HGSNAT: variants seen among roughly 807,000 people sequenced by gnomAD.
The protein encoded by HGSNAT is transmembrane protein 76.
HGSNAT carries 59 observed loss-of-function variants against 85.2 expected under a neutral mutation model. The observed-to-expected ratio is 0.69, with a 90% CI of 0.56 to 0.86. The LOEUF is 0.86. HGSNAT is among the 40% of genes least tolerant of loss of function. The pLI is 0.00. For synonymous variants in HGSNAT, 321 were observed against 304.5 expected, an observed-to-expected ratio of 1.05 and a Z score of -0.56; for missense variants, 756 against 777.1, an observed-to-expected ratio of 0.97 and a Z score of 0.32.
chr8:43,187,173 C>G (rs1804345702), intron 11 of HGSNAT, among the ~76,000 whole-genome samples: 1 of 152,174 alleles, frequency 6.6e-6, no homozygotes, highest in Admixed American at 6.5e-5. Context: ...TGGTGCAGAG[C>G]TGAGTTCAAT....
chr8:43,191,639 T>G (rs1431842087), intron 12 of HGSNAT, 44 bp downstream of exon 12: 1 of 1,595,380 alleles, frequency 6.3e-7, no homozygotes, highest in Non-Finnish European at 8.6e-7. Flanking sequence ...TGTCCTGTTC[T>G]GCCCAGTCAG....
chr8:43,164,811 C>T (rs1056146671), intron 5 of HGSNAT, among the ~76,000 whole-genome samples: 3 of 152,110 alleles, frequency 2.0e-5, no homozygotes, highest in African/African-American at 7.2e-5. Flanking sequence ...GAGAGACATG[C>T]AACTCTTTCT....
chr8:43,149,039 C>T (rs1464208639), intron 2 of HGSNAT, among the ~76,000 whole-genome samples: 2 of 151,520 alleles, frequency 1.3e-5, no homozygotes, highest in Non-Finnish European at 2.9e-5. Flanking sequence ...TCGTTTAACC[C>T]CGGGAGGCAG....
At chr8:43,148,329 TATTTA>T (rs959718852) in intron 2 of HGSNAT, among the ~76,000 whole-genome samples, 59 of 151,408 alleles carry the variant, frequency 3.9e-4, no homozygotes, top group Non-Finnish European at 8.0e-4. Flanking sequence ...TTTATATTTA[TATTTA>T]ATTTATATTA....
At chr8:43,148,621 C>G (rs1473475758) in intron 2 of HGSNAT, among the ~76,000 whole-genome samples, 1 of 151,208 alleles carries the variant, frequency 6.6e-6, no homozygotes, top group African/African-American at 2.4e-5. Flanking sequence ...AACCCCATCT[C>G]TATTAAAAAA....
intron 6 of HGSNAT, among the ~76,000 whole-genome samples, chr8:43,169,574 C>A (rs1803547036): frequency 6.6e-6 from 1 of 152,200 alleles, no homozygotes; most frequent in Non-Finnish European, 1.5e-5. Flanking sequence ...AATATTAAAT[C>A]TATAAATGCT....
At chr8:43,182,428 A>G (rs762105084) in intron 11 of HGSNAT, 168 bp downstream of exon 11, 2 of 686,830 alleles carry the variant, frequency 2.9e-6, no homozygotes, top group South Asian at 3.0e-5. Context: ...GTGAGCCACC[A>G]TGCCTGGCCA....
intron 15 of HGSNAT, 174 bp downstream of exon 15, chr8:43,197,199 T>A (rs1804753785): frequency 1.6e-6 from 1 of 607,898 alleles, no homozygotes; most frequent in East Asian, 2.8e-5. Flanking sequence ...ATGCACAGAT[T>A]TATTTTCTTA....
rs191796273 is a variant in HGSNAT, at chr8:43,182,329, G to A, written c.1128+69G>A. The A allele has an allele frequency of 6.9e-5, 85 of 1,226,420 alleles. No individual in the cohort carries two copies. In the African/African-American group the frequency reaches 1.0e-3, roughly 15 times the overall value. 76.0% of individuals were successfully genotyped at this position (1,226,420 alleles called of 1,614,324 possible). ...AAAAAAATGTATTGTGTGGTGATAC[G>A]GTCTCACTATGTTGTCCAGACTGGT... On this transcript the variant is annotated intron_variant, in intron 11 of 17. Transcript: ENST00000379644.
chr8:43,190,512 C>G (rs1343058876), intron 11 of HGSNAT, among the ~76,000 whole-genome samples: 1 of 152,108 alleles, frequency 6.6e-6, no homozygotes, highest in South Asian at 2.1e-4. Context: ...ACAGGCGAGA[C>G]GTGCCTGAGT....
At chr8:43,166,610 A>G (rs1803444558) in intron 5 of HGSNAT, among the ~76,000 whole-genome samples, 1 of 152,162 alleles carries the variant, frequency 6.6e-6, no homozygotes, top group Non-Finnish European at 1.5e-5. Context: ...TTTTCAAAAT[A>G]TTGTTGGTCA....
In HGSNAT at chr8:43,193,365, G is replaced by A. The variant is rs182378300; in HGVS notation, c.1378-392G>A. ...ATGTTATTTGCCTTAAAAGAAGATAGGAAGCTGTTGTTGCTACAGTAGGGT... is the reference window on the plus strand; with the variant it reads ...ATGTTATTTGCCTTAAAAGAAGATAAGAAGCTGTTGTTGCTACAGTAGGGT... On this transcript the variant is annotated intron_variant, in intron 13 of 17. Transcript: ENST00000379644. Among the ~76,000 whole-genome samples, 10 of 152,308 alleles carry A rather than the reference G, an allele frequency of 6.6e-5. 1 individual carries two copies. The East Asian group carries it at 1.9e-3, about 29-fold the overall frequency.
intron 1 of HGSNAT, among the ~76,000 whole-genome samples, 151 bp downstream of exon 1, chr8:43,140,765 C>A (rs1802494587): frequency 6.6e-6 from 1 of 151,966 alleles, no homozygotes; most frequent in African/African-American, 2.4e-5. Flanking sequence ...CTTCGCGGTC[C>A]CGCGCCCCAG....
At chr8:43,153,798 A>G (rs888178423) in intron 2 of HGSNAT, among the ~76,000 whole-genome samples, 2 of 152,082 alleles carry the variant, frequency 1.3e-5, no homozygotes, top group Non-Finnish European at 2.9e-5. Flanking sequence ...ATCATGTGGT[A>G]TTTGTCTTTC....
chr8:43,187,827 AG>A (rs1213273333), intron 11 of HGSNAT, among the ~76,000 whole-genome samples: 1 of 152,116 alleles, frequency 6.6e-6, no homozygotes, highest in South Asian at 2.1e-4. Context: ...AGCTCTTGTA[AG>A]GTAGGCCTGC....
intron 4 of HGSNAT, among the ~76,000 whole-genome samples, chr8:43,160,271 A>T (rs1487538213): frequency 2.0e-5 from 3 of 152,232 alleles, no homozygotes; most frequent in East Asian, 3.9e-4. Context: ...AATTCTGTGG[A>T]GAAGAATTCC....
chr8:43,141,402 C>T (rs925310211), intron 1 of HGSNAT, among the ~76,000 whole-genome samples: 1 of 152,118 alleles, frequency 6.6e-6, no homozygotes, highest in East Asian at 1.9e-4. Flanking sequence ...TCAGCTCATA[C>T]CGTGATTGCA....
chr8:43,182,732 C>T lies in HGSNAT; in HGVS notation c.1128+472C>T, dbSNP rs190322271. ...AATTGCTGGGATTACAGGTGTGAGCCACCATGCCCAGCCAAAACAGTGTTT... is the reference window on the plus strand; with the variant it reads ...AATTGCTGGGATTACAGGTGTGAGCTACCATGCCCAGCCAAAACAGTGTTT... On this transcript the variant is annotated intron_variant, in intron 11 of 17. Transcript: ENST00000379644. 4.7e-3 allele frequency among the ~76,000 whole-genome samples: 712 copies of T among 152,242 alleles called. 7 individuals carry two copies. Among genetic ancestry groups the T allele is most frequent in the African/African-American group, 0.016 (659 of 41,530 alleles).
intron 12 of HGSNAT, among the ~76,000 whole-genome samples, chr8:43,191,885 G>C (rs1804542624): frequency 6.6e-6 from 1 of 152,074 alleles, no homozygotes; most frequent in Admixed American, 6.5e-5. Context: ...TCATGTTTGG[G>C]GCTCTCTGAA....
Sources: allele counts gnomAD v4.1 joint callset (sites outside exome capture counted in the v4.1 genomes callset), GRCh38; gene constraint gnomAD v4.1.1; transcripts MANE v1.5; gene names NCBI Gene and HGNC (gene_info 2026-07-23, HGNC 2026-07-21).